Variants in PRKG1 observed in about 807,000 individuals in gnomAD.
PRKG1 encodes the protein cGMP-dependent protein kinase 1.
PRKG1 carries 35 observed loss-of-function variants against 88.1 expected under a neutral mutation model. The ratio of observed to expected loss-of-function variants is 0.40; its 90% CI spans 0.30 to 0.53. PRKG1 has a LOEUF of 0.53. Ranked by LOEUF, PRKG1 falls within the 20% of genes least tolerant of loss-of-function variation. The pLI, the probability that PRKG1 is intolerant of heterozygous loss-of-function variation, is 0.59. For synonymous variants in PRKG1, 303 were observed against 292.5 expected, an observed-to-expected ratio of 1.04 and a Z score of -0.37; for missense variants, 540 against 839.8, an observed-to-expected ratio of 0.64 and a Z score of 4.41.
chr10:51,097,003 C>T (rs1023960239), intron 1 of PRKG1, among the ~76,000 whole-genome samples: 2 of 152,164 alleles, frequency 1.3e-5, no homozygotes, highest in Non-Finnish European at 1.5e-5. Flanking sequence ...ATCTAGTTCC[C>T]TCTACCCCAG....
intron 5 of PRKG1, among the ~76,000 whole-genome samples, chr10:51,938,315 CAGGT>C (rs1320116198): frequency 6.6e-6 from 1 of 151,942 alleles, no homozygotes; most frequent in African/African-American, 2.4e-5. Context: ...AACTTTATCA[CAGGT>C]AGGTTTGTAT....
At chr10:51,672,183 T>C (rs930601426) in intron 3 of PRKG1, among the ~76,000 whole-genome samples, 2 of 152,122 alleles carry the variant, frequency 1.3e-5, no homozygotes, top group African/African-American at 4.8e-5. Flanking sequence ...ATTTGAATAG[T>C]GTCTACCTTT....
intron 9 of PRKG1, among the ~76,000 whole-genome samples, chr10:52,196,339 T>A (rs1839507225): frequency 6.6e-6 from 1 of 152,198 alleles, no homozygotes; most frequent in African/African-American, 2.4e-5. Context: ...AGGATCATAC[T>A]TGAGTCTTGT....
intron 2 of PRKG1, among the ~76,000 whole-genome samples, chr10:51,330,035 A>C (rs1160268767): frequency 1.3e-5 from 2 of 148,582 alleles, no homozygotes; most frequent in East Asian, 3.9e-4. Context: ...CTGTTTTTTT[A>C]AAATAAATGT....
chr10:51,952,685 G>T (rs1843213225), intron 5 of PRKG1, among the ~76,000 whole-genome samples: 1 of 152,160 alleles, frequency 6.6e-6, no homozygotes, highest in African/African-American at 2.4e-5. Context: ...TCATGGTACA[G>T]AAAGAGCACT....
At chr10:51,431,157 T>G (rs1450895356) in intron 2 of PRKG1, among the ~76,000 whole-genome samples, 3 of 152,190 alleles carry the variant, frequency 2.0e-5, no homozygotes, top group Non-Finnish European at 4.4e-5. Context: ...GCAACTGCTT[T>G]GGACAATGGC....
At chr10:51,914,446 G>A (rs568165606) in intron 5 of PRKG1, among the ~76,000 whole-genome samples, 5 of 152,242 alleles carry the variant, frequency 3.3e-5, no homozygotes, top group African/African-American at 1.2e-4. Context: ...ACACCAAATT[G>A]GAGAACCAAA....
intron 2 of PRKG1, among the ~76,000 whole-genome samples, chr10:51,216,315 C>A (rs1838369922): frequency 6.6e-6 from 1 of 152,174 alleles, no homozygotes; most frequent in Non-Finnish European, 1.5e-5. Context: ...TTACATAATT[C>A]ACAAAGCAAT....
chr10:52,266,026 T>A (rs192999202), intron 10 of PRKG1, among the ~76,000 whole-genome samples: 40 of 152,128 alleles, frequency 2.6e-4, no homozygotes, highest in African/African-American at 9.4e-4. Context: ...ACCAGTGTGG[T>A]ATAAGCATCC....
intron 2 of PRKG1, among the ~76,000 whole-genome samples, chr10:51,423,414 T>C (rs1838476135): frequency 6.6e-6 from 1 of 152,210 alleles, no homozygotes; most frequent in African/African-American, 2.4e-5. Flanking sequence ...TTGTCTTCCT[T>C]GTTCCTCCTT....
chr10:51,176,523 G>A (rs1467535020), intron 2 of PRKG1, among the ~76,000 whole-genome samples: 1 of 152,092 alleles, frequency 6.6e-6, no homozygotes, highest in Admixed American at 6.6e-5. Flanking sequence ...TGGAGCTGGT[G>A]TGATGATTAA....
At chr10:51,826,822 G>A (rs10999660) in intron 4 of PRKG1, among the ~76,000 whole-genome samples, 31,860 of 151,984 alleles carry the variant, frequency 0.21, 5,358 homozygotes, top group African/African-American at 0.47. Flanking sequence ...TTGGGAAGTA[G>A]CTTGTATCTT....
intron 5 of PRKG1, among the ~76,000 whole-genome samples, chr10:51,973,205 A>G (rs1405177575): frequency 6.6e-6 from 1 of 152,144 alleles, no homozygotes; most frequent in East Asian, 1.9e-4. Flanking sequence ...GCTGAAAAAC[A>G]CTGTTGCTAT....
intron 3 of PRKG1, among the ~76,000 whole-genome samples, chr10:51,567,922 C>A (rs1481421385): frequency 6.6e-6 from 1 of 152,006 alleles, no homozygotes; most frequent in African/African-American, 2.4e-5. Context: ...TCAGAACTGG[C>A]AAATATTGGA....
chr10:51,559,611 C>T (rs1190295857), intron 3 of PRKG1, among the ~76,000 whole-genome samples: 1 of 151,996 alleles, frequency 6.6e-6, no homozygotes, highest in Non-Finnish European at 1.5e-5. Context: ...GGAACAAACA[C>T]TTTTTTAATG....
At chr10:51,758,142 T>A (rs1283918258) in intron 3 of PRKG1, among the ~76,000 whole-genome samples, 1 of 152,120 alleles carries the variant, frequency 6.6e-6, no homozygotes. Context: ...GAAAAAAAAA[T>A]TTAAACTATG....
intron 1 of PRKG1, among the ~76,000 whole-genome samples, chr10:51,028,504 A>G (rs1238202438): frequency 6.6e-6 from 1 of 152,080 alleles, no homozygotes; most frequent in Admixed American, 6.6e-5. Flanking sequence ...TGGCAGTCAG[A>G]TGGGGAAACA....
chr10:51,397,555 G>A (rs1837613238), intron 2 of PRKG1, among the ~76,000 whole-genome samples: 1 of 152,026 alleles, frequency 6.6e-6, no homozygotes, highest in African/African-American at 2.4e-5. Flanking sequence ...TTCTGTTTAT[G>A]TTCATTTCTT....
intron 3 of PRKG1, among the ~76,000 whole-genome samples, chr10:51,645,339 A>G (rs1249610108): frequency 6.6e-6 from 1 of 152,224 alleles, no homozygotes; most frequent in Admixed American, 6.5e-5. Context: ...ATTTCAAGCC[A>G]TATTAAAACA....
Sources: allele counts gnomAD v4.1 joint callset (sites outside exome capture counted in the v4.1 genomes callset), GRCh38; gene constraint gnomAD v4.1.1; transcripts MANE v1.5; gene names NCBI Gene and HGNC (gene_info 2026-07-23, HGNC 2026-07-21).